The following AGFG1 variants were observed in gnomAD, a reference collection of about 807,000 sequenced individuals.
The protein encoded by AGFG1 is arf-GAP domain and FG repeat-containing protein 1.
A neutral mutation model predicts 60.6 loss-of-function variants in AGFG1; 10 were observed. The ratio of observed to expected loss-of-function variants is 0.16; its 90% confidence interval spans 0.10 to 0.28. The LOEUF (loss-of-function observed/expected upper bound fraction) is 0.28. Ranked by LOEUF, AGFG1 falls within the 10% of genes least tolerant of loss-of-function variation. AGFG1 has a pLI of 1.00. For missense variants in AGFG1, 537 were observed against 676.5 expected (o/e 0.79, Z 2.29); for synonymous variants, 247 against 242.9 (o/e 1.02, Z -0.16).
rs956929422 is a variant in AGFG1, at chr2:227,552,872, A to C, written c.1537+755A>C. Among the ~76,000 whole-genome samples, 87 of 151,864 alleles carry C rather than the reference A, an allele frequency of 5.7e-4. 1 individual carries two copies. Among genetic ancestry groups the C allele is most frequent in the African/African-American group, 2.0e-3 (84 of 41,468 alleles). On this transcript the variant is annotated intron_variant, in intron 11 of 12. Coordinates refer to ENST00000310078, the MANE Select transcript of AGFG1 (RefSeq NM_004504.5). ...CAAAATTAGCCAGGCGTGGTGGCAC[A>C]TGCCTGTAATCCCAGCTGTTCAGGA...
intron 2 of AGFG1, among the ~76,000 whole-genome samples, chr2:227,518,815 A>T (rs1691736179): frequency 2.0e-5 from 3 of 152,098 alleles, no homozygotes; most frequent in South Asian, 4.1e-4. Context: ...TTTATGCATG[A>T]CTAATGATAG....
intron 2 of AGFG1, among the ~76,000 whole-genome samples, chr2:227,493,680 C>A (rs541536874): frequency 6.6e-6 from 1 of 152,280 alleles, no homozygotes; most frequent in Non-Finnish European, 1.5e-5. Flanking sequence ...AAGCACTTAC[C>A]ATGACAATCA....
At position 227,556,273 on chromosome 2, in the gene AGFG1, A is replaced by G. The variant is rs757722042; in HGVS notation, c.*1778A>G. On this transcript the variant is annotated 3_prime_UTR_variant, in exon 13 of 13. Coordinates refer to ENST00000310078, the MANE Select transcript of AGFG1 (RefSeq NM_004504.5). ...ATGATGACTGAGTTGTTATCATAGT[A>G]TTTTAAAACCTGTATAGTGTTTTAG... The G allele has an allele frequency of 6.6e-6, 1 of 152,326 alleles. No homozygotes were observed. Among genetic ancestry groups the G allele is most frequent in the African/African-American group, 2.4e-5 (1 of 41,464 alleles). The allele number at this position is 152,326 out of a possible 1,614,324, so 9.4% of individuals were successfully genotyped here.
intron 1 of AGFG1, among the ~76,000 whole-genome samples, chr2:227,485,539 A>G (rs1690609031): frequency 1.3e-5 from 2 of 151,540 alleles, no homozygotes; most frequent in Non-Finnish European, 2.9e-5. Flanking sequence ...CCCAGCCCAA[A>G]TTGTTTTTAA....
chr2:227,498,629 T>TAA (rs1691052576), intron 2 of AGFG1, among the ~76,000 whole-genome samples: 1 of 152,198 alleles, frequency 6.6e-6, no homozygotes, highest in African/African-American at 2.4e-5. Context: ...TATTTGATGT[T>TAA]AACTGTTGGC....
At chr2:227,501,400 T>A (rs1691150981) in intron 2 of AGFG1, among the ~76,000 whole-genome samples, 1 of 152,204 alleles carries the variant, frequency 6.6e-6, no homozygotes, top group South Asian at 2.1e-4. Flanking sequence ...TATCATTAAT[T>A]AGAATTCAGT....
chr2:227,554,634 A>G lies in AGFG1; in HGVS notation c.*139A>G. 1 of 685,130 alleles carries G rather than the reference A, an allele frequency of 1.5e-6. No homozygotes were observed. Among genetic ancestry groups the G allele is most frequent in the Admixed American group, 3.3e-5 (1 of 30,206 alleles). The allele number at this position is 685,130 out of a possible 1,614,324, so 42.4% of individuals were successfully genotyped here. A position where few individuals can be genotyped will look rare whatever the true frequency, so the allele number is the denominator to read the frequency against. On this transcript the variant is annotated 3_prime_UTR_variant, in exon 13 of 13. Coordinates refer to ENST00000310078, the MANE Select transcript of AGFG1 (RefSeq NM_004504.5). ...TTAAAAAGCCTGCATTGTGTATTAAACACCAGGTAATATGTGCAAAACCGA... is the reference window on the plus strand; with the variant it reads ...TTAAAAAGCCTGCATTGTGTATTAAGCACCAGGTAATATGTGCAAAACCGA...
At chr2:227,479,742 T>G (rs745328789) in intron 1 of AGFG1, among the ~76,000 whole-genome samples, 1 of 152,236 alleles carries the variant, frequency 6.6e-6, no homozygotes, top group African/African-American at 2.4e-5. Flanking sequence ...CTTTAATGTA[T>G]GTAAAAACGT....
At chr2:227,494,393 A>G (rs1057052642) in intron 2 of AGFG1, among the ~76,000 whole-genome samples, 1 of 152,250 alleles carries the variant, frequency 6.6e-6, no homozygotes, top group Admixed American at 6.5e-5. Context: ...GGAAAGGGCC[A>G]TATTCAGTCA....
intron 6 of AGFG1, among the ~76,000 whole-genome samples, chr2:227,533,095 A>G (rs569151023): frequency 9.2e-5 from 14 of 152,278 alleles, no homozygotes; most frequent in African/African-American, 3.4e-4. Context: ...ACCGTAACAC[A>G]TTTTACACAT....
At chr2:227,518,568 G>A (rs902660564) in intron 2 of AGFG1, among the ~76,000 whole-genome samples, 23 of 146,138 alleles carry the variant, frequency 1.6e-4, no homozygotes, top group African/African-American at 5.6e-4. Flanking sequence ...TTGTCGCCCA[G>A]GCTGGAGTGC....
intron 1 of AGFG1, among the ~76,000 whole-genome samples, chr2:227,484,959 CT>C (rs2106160985): frequency 6.6e-6 from 1 of 152,160 alleles, no homozygotes; most frequent in Admixed American, 6.5e-5. Context: ...ATCTGCCCAC[CT>C]TGGCCTCCTA....
intron 12 of AGFG1, 105 bp downstream of exon 12, chr2:227,553,900 G>C (rs1575122153): frequency 1.1e-5 from 7 of 641,766 alleles, no homozygotes. Context: ...GTGTTATATT[G>C]ATATGAGTGA....
At chr2:227,516,768 T>C (rs1407175310) in intron 2 of AGFG1, among the ~76,000 whole-genome samples, 2 of 152,202 alleles carry the variant, frequency 1.3e-5, no homozygotes, top group African/African-American at 4.8e-5. Flanking sequence ...TATTTATTCA[T>C]TTATTGATTT....
chr2:227,531,065 CAT>C, intron 5 of AGFG1, 24 bp from the exon 6 acceptor site: 1 of 1,589,492 alleles, frequency 6.3e-7, no homozygotes, highest in Non-Finnish European at 8.6e-7. Flanking sequence ...TATTCATTAA[CAT>C]ATGTTGTTCC....
At chr2:227,502,302 C>A (rs1691182979) in intron 2 of AGFG1, among the ~76,000 whole-genome samples, 1 of 151,928 alleles carries the variant, frequency 6.6e-6, no homozygotes, top group Non-Finnish European at 1.5e-5. Context: ...TATTTTCTCC[C>A]AGTCTGTGGT....
At chr2:227,488,443 T>A (rs1358657864) in intron 1 of AGFG1, among the ~76,000 whole-genome samples, 1 of 152,226 alleles carries the variant, frequency 6.6e-6, no homozygotes, top group Non-Finnish European at 1.5e-5. Context: ...AAAACATACA[T>A]CCTTTTAATA....
intron 1 of AGFG1, among the ~76,000 whole-genome samples, chr2:227,477,344 TGACA>T (rs1212176900): frequency 6.6e-6 from 1 of 152,230 alleles, no homozygotes; most frequent in Non-Finnish European, 1.5e-5. Flanking sequence ...GCTAGCTGTG[TGACA>T]GACATTCTAG....
chr2:227,554,371 G>T (rs1692908146), intron 12 of AGFG1, 65 bp from the exon 13 acceptor site: 1 of 1,323,394 alleles, frequency 7.6e-7, no homozygotes, highest in Non-Finnish European at 1.1e-6. Context: ...TCAGTTTAAT[G>T]TTTTTATATT....
Sources: gnomAD v4.1 joint callset for allele counts (sites outside exome capture counted in the v4.1 genomes callset) on GRCh38, gnomAD v4.1.1 for gene constraint, MANE v1.5 for transcripts, NCBI Gene and HGNC (gene_info 2026-07-23, HGNC 2026-07-21) for gene names.